The following SLC24A4 variants were observed in gnomAD, a reference collection of about 807,000 sequenced individuals.
The protein encoded by SLC24A4 is solute carrier family 24 member 4, also known as sodium/potassium/calcium exchanger 4.
Under a neutral mutation model 79.0 loss-of-function variants are expected in SLC24A4, and 53 were observed. The ratio of observed to expected loss-of-function variants is 0.67; its 90% CI spans 0.54 to 0.84. The LOEUF (loss-of-function observed/expected upper bound fraction) is 0.84, where lower values mean the gene tolerates loss of function less well. Ranked by LOEUF, SLC24A4 falls within the 40% of genes least tolerant of loss-of-function variation. The pLI is 0.00. For missense variants in SLC24A4, 731 were observed against 822.0 expected, an observed-to-expected ratio of 0.89 and a Z score of 1.35; for synonymous variants, 323 against 323.8, an observed-to-expected ratio of 1.00 and a Z score of 0.03.
intron 2 of SLC24A4, among the ~76,000 whole-genome samples, chr14:92,371,886 G>C: frequency 6.6e-6 from 1 of 152,362 alleles, no homozygotes; most frequent in East Asian, 1.9e-4. Context: ...CCTTTCTCAA[G>C]CACCAAGGCA....
chr14:92,489,649 C>G (rs2139942088), intron 14 of SLC24A4, among the ~76,000 whole-genome samples: 1 of 152,288 alleles, frequency 6.6e-6, no homozygotes, highest in East Asian at 1.9e-4. Flanking sequence ...GCCCCAGACC[C>G]ACTGAATCAG....
Position 92,372,981 on chromosome 14 carries a change from CTCTCCCT to C in SLC24A4, c.241+47004_241+47010del, listed in dbSNP as rs1566722131. 1.9e-3 allele frequency among the ~76,000 whole-genome samples: 261 copies of C among 136,552 alleles called. 3 individuals carry two copies. Among genetic ancestry groups the C allele is most frequent in the South Asian group, 0.019 (78 of 4,092 alleles). 89.6% of individuals were successfully genotyped at this position (136,552 alleles called of 152,430 possible). A position where few individuals can be genotyped will look rare whatever the true frequency, so the allele number is the denominator to read the frequency against. On this transcript the variant is annotated intron_variant, in intron 2 of 16. Coordinates refer to ENST00000532405, the MANE Select transcript of SLC24A4 (RefSeq NM_153646.4). ...TCCCTCTCTCTCTCTCCCCCCCTCC[CTCTCCCT>C]CTCTCTCTCTTCTTTCTTTCTTTCT...
intron 12 of SLC24A4, among the ~76,000 whole-genome samples, chr14:92,458,815 A>G (rs1471749589): frequency 6.6e-6 from 1 of 152,306 alleles, no homozygotes; most frequent in South Asian, 2.1e-4. Flanking sequence ...GCAGTCACCA[A>G]AGGAATTTCG....
At chr14:92,343,332 C>T (rs1886275218) in intron 2 of SLC24A4, among the ~76,000 whole-genome samples, 1 of 152,078 alleles carries the variant, frequency 6.6e-6, no homozygotes, top group South Asian at 2.1e-4. Context: ...ATTATAGTAC[C>T]CCGATGTCCC....
intron 2 of SLC24A4, among the ~76,000 whole-genome samples, chr14:92,392,408 A>G (rs1319419210): frequency 1.3e-5 from 2 of 151,594 alleles, no homozygotes; most frequent in East Asian, 1.9e-4. Flanking sequence ...TGTCCTCTCT[A>G]CCTGTCACTT....
At chr14:92,474,823 A>AGTGTG (rs1555374561) in intron 12 of SLC24A4, among the ~76,000 whole-genome samples, 6 of 8,910 alleles carry the variant, frequency 6.7e-4, no homozygotes, top group Admixed American at 4.7e-3. Context: ...ATATATATAC[A>AGTGTG]TATATATGTG....
At chr14:92,362,615 C>T (rs577650021) in intron 2 of SLC24A4, among the ~76,000 whole-genome samples, 1 of 152,270 alleles carries the variant, frequency 6.6e-6, no homozygotes, top group East Asian at 1.9e-4. Context: ...TTAGGAGCTG[C>T]CGGGGGATGG....
intron 2 of SLC24A4, among the ~76,000 whole-genome samples, chr14:92,373,540 G>A (rs1466256961): frequency 6.6e-6 from 1 of 152,162 alleles, no homozygotes; most frequent in Non-Finnish European, 1.5e-5. Context: ...TGTCCTCTGA[G>A]TGTGAGCATT....
intron 12 of SLC24A4, among the ~76,000 whole-genome samples, chr14:92,468,950 C>G (rs537157489): frequency 3.4e-5 from 5 of 147,640 alleles, no homozygotes; most frequent in Non-Finnish European, 6.0e-5. Context: ...TAAAACTCAA[C>G]AATAAAAGAC....
chr14:92,335,640 G>A (rs1273639165), intron 2 of SLC24A4, among the ~76,000 whole-genome samples: 1 of 152,184 alleles, frequency 6.6e-6, no homozygotes, highest in Admixed American at 6.5e-5. Context: ...TGGGATTACA[G>A]GCGTGAGCCA....
At chr14:92,448,485 C>G (rs965268498) in intron 9 of SLC24A4, among the ~76,000 whole-genome samples, 14 of 152,050 alleles carry the variant, frequency 9.2e-5, no homozygotes, top group Admixed American at 2.6e-4. Flanking sequence ...ATATAAATCC[C>G]ACATTTATAT....
chr14:92,453,238 C>T (rs1893253746), intron 10 of SLC24A4: 1 of 152,222 alleles, frequency 6.6e-6, no homozygotes, highest in Admixed American at 6.5e-5. Context: ...TCACTGGGCT[C>T]AGCCAGCGGC....
intron 2 of SLC24A4, among the ~76,000 whole-genome samples, chr14:92,370,920 G>A (rs1888117544): frequency 6.6e-6 from 1 of 152,238 alleles, no homozygotes; most frequent in South Asian, 2.1e-4. Flanking sequence ...TGGATGCTAA[G>A]AGGCTGTGGT....
chr14:92,376,721 G>A (rs745861667), intron 2 of SLC24A4, among the ~76,000 whole-genome samples: 8 of 152,208 alleles, frequency 5.3e-5, no homozygotes, highest in Non-Finnish European at 1.0e-4. Context: ...CAGGTGCCTG[G>A]GGTTTTTAGG....
chr14:92,389,847 T>C (rs1889367374), intron 2 of SLC24A4, among the ~76,000 whole-genome samples: 1 of 152,178 alleles, frequency 6.6e-6, no homozygotes. Flanking sequence ...TCTGGGCTCC[T>C]ACACTTTGCA....
intron 2 of SLC24A4, among the ~76,000 whole-genome samples, chr14:92,408,127 G>A (rs1325998526): frequency 2.8e-5 from 4 of 145,248 alleles, no homozygotes; most frequent in African/African-American, 1.0e-4. Flanking sequence ...AATTGTCATG[G>A]GATGTTCATA....
chr14:92,336,973 G>A (rs1885846047), intron 2 of SLC24A4, among the ~76,000 whole-genome samples: 1 of 152,132 alleles, frequency 6.6e-6, no homozygotes, highest in South Asian at 2.1e-4. Context: ...CTGTCCAAGG[G>A]GAAAGAGAAA....
At chr14:92,409,891 T>C (rs1890613182) in intron 2 of SLC24A4, among the ~76,000 whole-genome samples, 1 of 152,202 alleles carries the variant, frequency 6.6e-6, no homozygotes, top group South Asian at 2.1e-4. Context: ...ATGTCTTTTG[T>C]GGGAACATGG....
At chr14:92,334,382 G>C (rs1332227153) in intron 2 of SLC24A4, among the ~76,000 whole-genome samples, 1 of 152,132 alleles carries the variant, frequency 6.6e-6, no homozygotes, top group Non-Finnish European at 1.5e-5. Context: ...TACAAACAAA[G>C]GCTGAGGAAG....
Sources: gnomAD v4.1 joint callset for allele counts (sites outside exome capture counted in the v4.1 genomes callset) on GRCh38, gnomAD v4.1.1 for gene constraint, MANE v1.5 for transcripts, NCBI Gene and HGNC (gene_info 2026-07-23, HGNC 2026-07-21) for gene names.